ERC2: variants seen among roughly 807,000 people sequenced by gnomAD.
The protein encoded by ERC2 is ERC protein 2.
A neutral mutation model predicts 114.8 loss-of-function variants in ERC2; 42 were observed. The ratio of observed to expected loss-of-function variants is 0.37; its 90% CI spans 0.29 to 0.47. The LOEUF is 0.47. Ranked by LOEUF, ERC2 falls within the 20% of genes least tolerant of loss-of-function variation. The pLI is 0.99. For missense variants in ERC2, 939 were observed against 1,150.7 expected, an observed-to-expected ratio of 0.82 and a Z score of 2.66; for synonymous variants, 454 against 425.5, an observed-to-expected ratio of 1.07 and a Z score of -0.82.
intron 14 of ERC2, among the ~76,000 whole-genome samples, chr3:55,884,211 A>C (rs1051436641): frequency 6.6e-6 from 1 of 152,248 alleles, no homozygotes; most frequent in Non-Finnish European, 1.5e-5. Context: ...CAGATGCCCA[A>C]TAATGATGTA....
At chr3:56,212,215 G>A (rs771932897) in intron 3 of ERC2, among the ~76,000 whole-genome samples, 1 of 152,054 alleles carries the variant, frequency 6.6e-6, no homozygotes, top group Non-Finnish European at 1.5e-5. Flanking sequence ...ATCTGACAAA[G>A]GACTAATGTT....
intron 2 of ERC2, 21 bp downstream of exon 2, chr3:56,434,329 AC>A (rs758623761): frequency 6.2e-7 from 1 of 1,604,484 alleles, no homozygotes; most frequent in East Asian, 2.2e-5. Context: ...GCTGAAAAAT[AC>A]TGAGATGAGT....
Position 55,992,187 on chromosome 3 carries a change from C to A in ERC2, c.2125G>T (p.Asp709Tyr), listed in dbSNP as rs780698592. The A allele has an allele frequency of 6.2e-7, 1 of 1,613,746 alleles. No individual in the cohort carries two copies. Among genetic ancestry groups the A allele is most frequent in the African/African-American group, 1.3e-5 (1 of 74,894 alleles). Residue 709 changes from aspartate to tyrosine, a missense_variant, in exon 11 of 18, where the codon GAT becomes TAT. Physicochemically the swap from Asp to Tyr is radical, Grantham distance 160. Coordinates refer to ENST00000288221, the MANE Select transcript of ERC2 (RefSeq NM_015576.3). ...PEFADQIKQL[D>Y]KEASYYRDEC... ...TCGCGGTAGTAAGACGCCTCTTTAT[C>A]GAGCTGTTTTATTTGGTCTGCAAAC...
At chr3:55,934,785 G>A (rs2066333064) in intron 13 of ERC2, among the ~76,000 whole-genome samples, 1 of 152,152 alleles carries the variant, frequency 6.6e-6, no homozygotes, top group African/African-American at 2.4e-5. Flanking sequence ...AAGTCTTTTT[G>A]TGATTACAAA....
chr3:56,269,913 C>T (rs972458847), intron 3 of ERC2, among the ~76,000 whole-genome samples: 37 of 152,182 alleles, frequency 2.4e-4, no homozygotes, highest in African/African-American at 8.4e-4. Flanking sequence ...TAAAAAAAAG[C>T]TCCTTTTTCC....
chr3:56,138,327 T>C (rs2080645168), intron 6 of ERC2, among the ~76,000 whole-genome samples: 1 of 152,202 alleles, frequency 6.6e-6, no homozygotes, highest in African/African-American at 2.4e-5. Flanking sequence ...CCCAAAGTGT[T>C]GGGATTACAG....
chr3:56,184,884 G>A (rs2083495704), intron 3 of ERC2, among the ~76,000 whole-genome samples: 1 of 152,140 alleles, frequency 6.6e-6, no homozygotes, highest in Non-Finnish European at 1.5e-5. Flanking sequence ...CCTCATGGAA[G>A]AGTACATGTG....
chr3:56,110,918 T>C (rs2078923498), intron 6 of ERC2, among the ~76,000 whole-genome samples: 2 of 152,168 alleles, frequency 1.3e-5, no homozygotes. Context: ...CATCTGCTCT[T>C]ATTAGGGTCT....
At chr3:55,831,847 C>A (rs1180337080) in intron 14 of ERC2, among the ~76,000 whole-genome samples, 13 of 152,202 alleles carry the variant, frequency 8.5e-5, no homozygotes, top group Admixed American at 8.5e-4. Flanking sequence ...GTTCACTTTC[C>A]TAGTCAAAGA....
At chr3:55,839,982 T>G (rs1255133700) in intron 14 of ERC2, among the ~76,000 whole-genome samples, 1 of 151,832 alleles carries the variant, frequency 6.6e-6, no homozygotes. Context: ...GGAAAAAAAG[T>G]AAAAAGCTGG....
At chr3:55,639,465 G>C (rs888333134) in intron 17 of ERC2, among the ~76,000 whole-genome samples, 1 of 152,136 alleles carries the variant, frequency 6.6e-6, no homozygotes, top group East Asian at 1.9e-4. Flanking sequence ...ACAGGAGGGA[G>C]AGAAAGTATA....
At chr3:55,846,545 T>C (rs2061369562) in intron 14 of ERC2, among the ~76,000 whole-genome samples, 1 of 152,224 alleles carries the variant, frequency 6.6e-6, no homozygotes, top group African/African-American at 2.4e-5. Context: ...ATGGTAGTTC[T>C]GTTTTTAGCT....
chr3:55,805,855 A>C (rs1489647501), intron 14 of ERC2, among the ~76,000 whole-genome samples: 2 of 152,188 alleles, frequency 1.3e-5, no homozygotes, highest in Admixed American at 6.5e-5. Context: ...AACTCAACAG[A>C]AACTGACCAA....
chr3:55,817,174 A>G (rs577111718), intron 14 of ERC2, among the ~76,000 whole-genome samples: 1 of 152,288 alleles, frequency 6.6e-6, no homozygotes, highest in Admixed American at 6.5e-5. Flanking sequence ...TTCTACTATT[A>G]TTCTTATCCC....
chr3:56,027,687 G>A (rs1375747183), intron 7 of ERC2, among the ~76,000 whole-genome samples: 1 of 151,950 alleles, frequency 6.6e-6, no homozygotes, highest in Non-Finnish European at 1.5e-5. Flanking sequence ...TCACCGTTGT[G>A]ACTCCTTTAT....
intron 2 of ERC2, among the ~76,000 whole-genome samples, chr3:56,376,523 G>C (rs2059547699): frequency 6.6e-6 from 1 of 151,872 alleles, no homozygotes; most frequent in Non-Finnish European, 1.5e-5. Flanking sequence ...CTAGCACTTT[G>C]GGAGGCCGAG....
intron 17 of ERC2, among the ~76,000 whole-genome samples, chr3:55,526,216 G>T (rs1308125771): frequency 6.6e-6 from 1 of 152,136 alleles, no homozygotes; most frequent in African/African-American, 2.4e-5. Flanking sequence ...TTCGAAGAGG[G>T]AATGGCCCTG....
chr3:55,908,736 G>A lies in ERC2; in HGVS notation c.2404-20187C>T, dbSNP rs143857981. Among the ~76,000 whole-genome samples the A allele has an allele frequency of 1.8e-4, 27 of 152,176 alleles. No individual in the cohort carries two copies. The East Asian group carries it at 4.9e-3, about 27-fold the overall frequency. ...AGCCCCATCCATAACATTCAGGGGG[G>A]TCACCACAACTCCTACACGTTGGGT... On this transcript the variant is annotated intron_variant, in intron 13 of 17. Transcript: ENST00000288221.
At chr3:55,958,374 C>T (rs1295101950) in intron 12 of ERC2, among the ~76,000 whole-genome samples, 1 of 152,168 alleles carries the variant, frequency 6.6e-6, no homozygotes, top group Non-Finnish European at 1.5e-5. Context: ...CTGATTGTTC[C>T]ATGGGTGGCC....
Sources: gnomAD v4.1 joint callset for allele counts (sites outside exome capture counted in the v4.1 genomes callset) on GRCh38, gnomAD v4.1.1 for gene constraint, MANE v1.5 for transcripts, NCBI Gene and HGNC (gene_info 2026-07-23, HGNC 2026-07-21) for gene names.